The following KCNH6 variants were observed in gnomAD, a reference collection of about 807,000 sequenced individuals.
The protein encoded by KCNH6 is potassium voltage-gated channel subfamily H member 6.
KCNH6 carries 81 observed loss-of-function variants against 83.4 expected under a neutral mutation model. The observed-to-expected ratio is 0.97, with a 90% CI of 0.81 to 1.17. The LOEUF is 1.17. KCNH6 is among the 50% of genes most tolerant of loss of function. The pLI, the probability that KCNH6 is intolerant of heterozygous loss-of-function variation, is 0.00. For missense variants in KCNH6, 1,203 were observed against 1,290.5 expected (o/e 0.93, Z 1.04); for synonymous variants, 503 against 545.6 (o/e 0.92, Z 1.09).
intron 2 of KCNH6, among the ~76,000 whole-genome samples, chr17:63,527,389 G>T (rs1260314093): frequency 2.0e-5 from 3 of 152,186 alleles, no homozygotes; most frequent in African/African-American, 7.2e-5. Context: ...GGTGTGCATC[G>T]GGAGACAGAG....
In KCNH6 at chr17:63,545,209, C is replaced by T. The variant is rs77366677; in HGVS notation, c.2528C>T (p.Ser843Leu). ...GACCTGGCCTTGGTTCCTATAGCCT[C>T]GGAGACGACGAGTCCAGGGCCCAGG... ...SNDLALVPIA[S>L]ETTSPGPRLP... Residue 843 changes from serine to leucine, a missense_variant, in exon 12 of 13, where the codon TCG (serine) becomes TTG (leucine). Coordinates refer to ENST00000314672, the MANE Select transcript of KCNH6 (RefSeq NM_001278919.2). The T allele has an allele frequency of 5.4e-3, 8,754 of 1,613,736 alleles. 381 individuals are homozygous for T. The African/African-American group carries it at 0.098, about 18-fold the overall frequency.
In KCNH6 at chr17:63,546,569, T is replaced by A. The variant is rs2033153050; in HGVS notation, c.*667T>A. On this transcript the variant is annotated 3_prime_UTR_variant, in exon 13 of 13. Transcript: ENST00000314672. ...AAGGCCCGGGGTTGGTCAGAACTCT[T>A]ACCATGAGCCTCTGACCTGGCTGGA... The A allele has an allele frequency of 6.6e-6, 1 of 152,354 alleles. No individual in the cohort carries two copies. Among genetic ancestry groups the A allele is most frequent in the African/African-American group, 2.4e-5 (1 of 41,434 alleles). The allele number at this position is 152,354 out of a possible 1,614,324, so 9.4% of individuals were successfully genotyped here. A position where few individuals can be genotyped will look rare whatever the true frequency, so the allele number is the denominator to read the frequency against.
In KCNH6 at chr17:63,534,428, A is replaced by T; in HGVS notation, c.1101+117A>T. ...TATCTGGCACTGGGCACCTTTGCTG[A>T]AGCACGTGGAGGTGGAGAGGAGGCC... On this transcript the variant is annotated intron_variant, in intron 5 of 12. Coordinates refer to ENST00000314672, the MANE Select transcript of KCNH6 (RefSeq NM_001278919.2). The surrounding 1 kb of genome is among the most constrained non-coding windows in gnomAD (Gnocchi z 5.0). 5.7e-6 allele frequency: 6 copies of T among 1,046,704 alleles called. No homozygotes were observed. The highest frequency in any genetic ancestry group is 8.2e-6 in the Non-Finnish European group (6 of 730,518). The allele number at this position is 1,046,704 out of a possible 1,614,324, so 64.8% of individuals were successfully genotyped here.
At position 63,538,146 on chromosome 17, in the gene KCNH6, A is replaced by C; in HGVS notation, c.1583A>C (p.Gln528Pro). The C allele has an allele frequency of 6.2e-7, 1 of 1,614,156 alleles. No individual in the cohort carries two copies. Among genetic ancestry groups the C allele is most frequent in the Non-Finnish European group, 8.5e-7 (1 of 1,180,010 alleles). The change falls in exon 7 of 13, where the codon CAG (glutamine) becomes CCG (proline). Residue 528 changes from glutamine to proline, a missense_variant. Transcript: ENST00000314672. This position sits in a 1 kb window ranked among gnomAD's most constrained non-coding sequence, Gnocchi z 4.0. ...TCGGGCACCGCGCGCTACCACACGC[A>C]GATGCTGCGTGTCAAGGAGTTCATC... ...LYSGTARYHTQMLRVKEFIRF... is the reference protein window; with the variant it reads ...LYSGTARYHTPMLRVKEFIRF...
At chr17:63,544,928 G>A (rs2033069206) in intron 11 of KCNH6, 150 bp from the exon 12 acceptor site, 2 of 751,700 alleles carry the variant, frequency 2.7e-6, no homozygotes, top group Non-Finnish European at 4.5e-6. Flanking sequence ...CTGGGCCGGG[G>A]CTGTGGATCC....
Position 63,544,337 on chromosome 17 carries a change from C to A in KCNH6, c.2322C>A (p.Ser774Arg). The A allele has an allele frequency of 6.2e-7, 1 of 1,612,344 alleles. No homozygotes were observed. Among genetic ancestry groups the A allele is most frequent in the Admixed American group, 1.7e-5 (1 of 59,786 alleles). Reference sequence around the variant, plus strand: ...TGCCCCCAAGGCACAGCCCCCAAAGCCCTCAGGAAGACCCAGATTGCTGGC... The same window carrying A: ...TGCCCCCAAGGCACAGCCCCCAAAGACCTCAGGAAGACCCAGATTGCTGGC... ...QEMPPRHSPQ[S>R]PQEDPDCWPL... Residue 774 changes from serine (S) to arginine (R), a missense_variant, in exon 11 of 13, where the codon AGC (serine) becomes AGA (arginine). Coordinates refer to ENST00000314672, the MANE Select transcript of KCNH6 (RefSeq NM_001278919.2).
rs887783756 is a variant in KCNH6, at chr17:63,530,131, G to T, written c.348G>T (p.Lys116Asn). 6.2e-7 allele frequency: 1 copy of T among 1,613,946 alleles called. No individual in the cohort carries two copies. The highest frequency in any genetic ancestry group is 8.5e-7 in the Non-Finnish European group (1 of 1,179,998). Residue 116 changes from lysine (K) to asparagine (N), a missense_variant, in exon 3 of 13, where the codon AAG becomes AAT. By Grantham distance (94) the Lys-to-Asn change is moderately conservative (BLOSUM62 0). Transcript: ENST00000314672. ...GCCTGGTAGATGTGGTGCCCGTGAA[G>T]AACGAGGACGGGGCTGTCATCATGT... ...FRCLVDVVPVKNEDGAVIMFI... is the reference protein window; with the variant it reads ...FRCLVDVVPVNNEDGAVIMFI...
rs2032260007 is a variant in KCNH6, at chr17:63,533,537, G to A, written c.676-349G>A. On this transcript the variant is annotated intron_variant, in intron 4 of 12. Transcript: ENST00000314672. This position sits in a 1 kb window ranked among gnomAD's most constrained non-coding sequence, Gnocchi z 4.1. ...CCTTCTGTGGGCTCTTGTGTGGAAT[G>A]GGTCTATAGATGTCCATGGGCCTGG... Among the ~76,000 whole-genome samples the A allele has an allele frequency of 6.6e-6, 1 of 152,096 alleles. No individual in the cohort carries two copies. Among genetic ancestry groups the A allele is most frequent in the Non-Finnish European group, 1.5e-5 (1 of 68,004 alleles).
chr17:63,544,091 G>T, intron 10 of KCNH6, 158 bp from the exon 11 acceptor site: 1 of 1,609,740 alleles, frequency 6.2e-7, no homozygotes, highest in East Asian at 2.2e-5. Flanking sequence ...ACTCCATGGG[G>T]GCAGGACCTT....
Position 63,533,725 on chromosome 17 carries a change from C to T in KCNH6, c.676-161C>T, listed in dbSNP as rs1168186029. Among the ~76,000 whole-genome samples the T allele has an allele frequency of 6.6e-6, 1 of 152,060 alleles. No homozygotes were observed. The highest frequency in any genetic ancestry group is 1.5e-5 in the Non-Finnish European group (1 of 67,986). On this transcript the variant is annotated intron_variant, in intron 4 of 12. Transcript: ENST00000314672. This position sits in a 1 kb window ranked among gnomAD's most constrained non-coding sequence, Gnocchi z 4.1. ...ATCTGTCCCCTTAGGAACTTGCCTTCTCAGACACCCCCCACCCCATCTCTC... is the reference window on the plus strand; with the variant it reads ...ATCTGTCCCCTTAGGAACTTGCCTTTTCAGACACCCCCCACCCCATCTCTC...
At chr17:63,529,871 T>C (rs2031965916) in intron 2 of KCNH6, among the ~76,000 whole-genome samples, 1 of 152,222 alleles carries the variant, frequency 6.6e-6, no homozygotes. Flanking sequence ...CCTTATCTCC[T>C]AATAAGCAGC....
Position 63,546,189 on chromosome 17 carries a change from G to A in KCNH6, c.*287G>A, listed in dbSNP as rs756314534. On this transcript the variant is annotated 3_prime_UTR_variant, in exon 13 of 13. Coordinates refer to ENST00000314672, the MANE Select transcript of KCNH6 (RefSeq NM_001278919.2). ...CGGGAGGTGGAGGTTGCAGGGAGCC[G>A]AGGCCGCACCACTGCACTCCAGCCT... The A allele has an allele frequency of 1.0e-5, 3 of 292,642 alleles. No individual in the cohort carries two copies. Among genetic ancestry groups the A allele is most frequent in the South Asian group, 1.1e-4 (2 of 17,582 alleles). 18.1% of individuals were successfully genotyped at this position (292,642 alleles called of 1,614,324 possible). A position where few individuals can be genotyped will look rare whatever the true frequency, so the allele number is the denominator to read the frequency against.
chr17:63,532,293 G>A lies in KCNH6; in HGVS notation c.676-1593G>A, dbSNP rs558082852. Among the ~76,000 whole-genome samples, 4 of 152,332 alleles carry A rather than the reference G, an allele frequency of 2.6e-5. No individual in the cohort carries two copies. The East Asian group carries it at 5.8e-4, about 22-fold the overall frequency. ...CTAGCAGCCCTCAGGAGGAGGAGGA[G>A]CAGCTCTGATGCCCAGGGTGTGACG... On this transcript the variant is annotated intron_variant, in intron 4 of 12. Transcript: ENST00000314672.
Position 63,546,207 on chromosome 17 carries a change from T to C in KCNH6, c.*305T>C. 1 of 192,510 alleles carries C rather than the reference T, an allele frequency of 5.2e-6. No individual in the cohort carries two copies. The highest frequency in any genetic ancestry group is 1.0e-5 in the Non-Finnish European group (1 of 99,224). 11.9% of individuals were successfully genotyped at this position (192,510 alleles called of 1,614,324 possible). ...GGGAGCCGAGGCCGCACCACTGCACTCCAGCCTGGGTGACAGAGTGAGACT... is the reference window on the plus strand; with the variant it reads ...GGGAGCCGAGGCCGCACCACTGCACCCCAGCCTGGGTGACAGAGTGAGACT... On this transcript the variant is annotated 3_prime_UTR_variant, in exon 13 of 13. Coordinates refer to ENST00000314672, the MANE Select transcript of KCNH6 (RefSeq NM_001278919.2).
chr17:63,534,502 C>T lies in KCNH6; in HGVS notation c.1101+191C>T, dbSNP rs2032350948. ...CCTGGAGAAGGACCTGCCAAGGCTG[C>T]ACCCCCAGGCCTCTGTCCCTCTGCC... On this transcript the variant is annotated intron_variant, in intron 5 of 12. Transcript: ENST00000314672. This position sits in a 1 kb window ranked among gnomAD's most constrained non-coding sequence, Gnocchi z 5.0. Among the ~76,000 whole-genome samples the T allele has an allele frequency of 6.6e-6, 1 of 152,116 alleles. No homozygotes were observed. Among genetic ancestry groups the T allele is most frequent in the Admixed American group, 6.5e-5 (1 of 15,278 alleles).
Position 63,534,160 on chromosome 17 carries a change from T to C in KCNH6, c.950T>C (p.Ile317Thr), listed in dbSNP as rs2032319823. 1 of 1,589,558 alleles carries C rather than the reference T, an allele frequency of 6.3e-7. No individual in the cohort carries two copies. The highest frequency in any genetic ancestry group is 8.6e-7 in the Non-Finnish European group (1 of 1,165,652). Residue 317 changes from isoleucine (I) to threonine (T), a missense_variant, in exon 5 of 13, where the codon ATC (isoleucine) becomes ACC (threonine). Transcript: ENST00000314672. The surrounding 1 kb of genome is among the most constrained non-coding windows in gnomAD (Gnocchi z 5.0). The stretch of plus-strand genomic sequence containing the variant: ...ATCATGTTCGTCGTGGACATCGTCA[T>C]CAACTTCCGCACCACCTATGTCAAC... ...VDIMFVVDIV[I>T]NFRTTYVNTN...
intron 8 of KCNH6, among the ~76,000 whole-genome samples, chr17:63,540,075 C>T (rs1359577164): frequency 6.6e-6 from 1 of 152,214 alleles, no homozygotes; most frequent in Admixed American, 6.5e-5. Context: ...CCCAGTTGTC[C>T]TCCAAGGCTG....
chr17:63,543,869 G>A (rs1407015125), intron 10 of KCNH6: 5 of 631,230 alleles, frequency 7.9e-6, no homozygotes, highest in Non-Finnish European at 1.4e-5. Context: ...GGCAGAGTGA[G>A]GGCTCTGTGG....
chr17:63,530,477 A>G lies in KCNH6; in HGVS notation c.610A>G (p.Ile204Val), dbSNP rs748347851. 2.5e-6 allele frequency: 4 copies of G among 1,614,184 alleles called. No individual in the cohort carries two copies. The Admixed American group carries it at 6.7e-5, about 27-fold the overall frequency. Reference sequence around the variant, plus strand: ...GCACCGCTCCAGCTCCACCACGGAGATTGAGATCATCGCGCCCCATAAGGT... The same window carrying G: ...GCACCGCTCCAGCTCCACCACGGAGGTTGAGATCATCGCGCCCCATAAGGT... ...EKHRSSSTTEIEIIAPHKVVE... is the reference protein window; with the variant it reads ...EKHRSSSTTEVEIIAPHKVVE... Residue 204 changes from isoleucine (I) to valine (V), a missense_variant, in exon 4 of 13, where the codon ATT becomes GTT. Transcript: ENST00000314672.
Sources: gnomAD v4.1 joint callset for allele counts (sites outside exome capture counted in the v4.1 genomes callset) on GRCh38, gnomAD v4.1.1 for gene constraint, Gnocchi (gnomAD v3.1) non-coding constraint, MANE v1.5 for transcripts, NCBI Gene and HGNC (gene_info 2026-07-23, HGNC 2026-07-21) for gene names.